Variants in COL9A1 observed in about 807,000 individuals in gnomAD.
The protein encoded by COL9A1 is collagen alpha-1(IX) chain.
A neutral mutation model predicts 142.6 loss-of-function variants in COL9A1; 104 were observed. The observed-to-expected ratio is 0.73, with a 90% CI of 0.62 to 0.86. The LOEUF (loss-of-function observed/expected upper bound fraction) is 0.86, where lower values mean the gene tolerates loss of function less well. COL9A1 is among the 40% of genes least tolerant of loss of function. The pLI is 0.00. For missense variants in COL9A1, 1,210 were observed against 1,176.6 expected (o/e 1.03, Z -0.42); for synonymous variants, 466 against 396.0 (o/e 1.18, Z -2.10).
Position 70,281,450 on chromosome 6 carries a change from A to G in COL9A1, c.816T>C (p.Gly272=). The part of the protein sequence containing the change: ...SQTTDERGPP[G]EQGPPGPPGP... ...CCGGAGGCCCGGGAGGACCCTGCTC[A>G]CCCGGGGGACCTCTCTGGCAAAAAT... is the stretch of plus-strand genomic sequence containing the variant. The change falls in exon 8 of 38, where the codon GGT becomes GGC. Residue 272 remains glycine (G), a synonymous_variant. Transcript: ENST00000357250. 6.2e-7 allele frequency: 1 copy of G among 1,612,186 alleles called. No homozygotes were observed. The highest frequency in any genetic ancestry group is 8.5e-7 in the Non-Finnish European group (1 of 1,179,474).
intron 32 of COL9A1, among the ~76,000 whole-genome samples, chr6:70,240,451 T>C (rs1770173863): frequency 6.6e-6 from 1 of 152,072 alleles, no homozygotes; most frequent in Non-Finnish European, 1.5e-5. Context: ...GATCTATCAA[T>C]ATGGCAATGT....
At chr6:70,280,751 CACTT>C (rs906387209) in intron 10 of COL9A1, 57 bp downstream of exon 10, 17 of 1,536,314 alleles carry the variant, frequency 1.1e-5, no homozygotes, top group African/African-American at 4.1e-5. Flanking sequence ...ACAAAACACA[CACTT>C]ACTCGTACCC....
intron 5 of COL9A1, among the ~76,000 whole-genome samples, chr6:70,290,628 A>G (rs1487836372): frequency 2.5e-5 from 3 of 121,892 alleles, no homozygotes; most frequent in African/African-American, 4.0e-5. Flanking sequence ...CAAGTACCAT[A>G]TAAGTGACTC....
intron 21 of COL9A1, 29 bp downstream of exon 21, chr6:70,256,739 T>G: frequency 1.2e-6 from 2 of 1,608,764 alleles, no homozygotes; most frequent in Non-Finnish European, 1.7e-6. Context: ...AAATCTATCA[T>G]TGGGTTTTGT....
At chr6:70,273,974 A>AAT (rs1772575604) in intron 12 of COL9A1, 73 bp downstream of exon 12, 1 of 773,630 alleles carries the variant, frequency 1.3e-6, no homozygotes, top group Admixed American at 3.5e-5. Context: ...TAAATAAATA[A>AAT]AAAGATTTCA....
At chr6:70,286,385 A>G (rs963204836) in intron 5 of COL9A1, among the ~76,000 whole-genome samples, 1 of 152,226 alleles carries the variant, frequency 6.6e-6, no homozygotes, top group African/African-American at 2.4e-5. Flanking sequence ...CATAAGAACT[A>G]AACAAAAACT....
At chr6:70,280,972 A>C in intron 9 of COL9A1, 32 bp downstream of exon 9, 1 of 1,613,346 alleles carries the variant, frequency 6.2e-7, no homozygotes. Flanking sequence ...TAAAGGAAGG[A>C]AGTGGAGCGC....
intron 18 of COL9A1, among the ~76,000 whole-genome samples, chr6:70,265,467 A>G (rs369026322): frequency 1.2e-4 from 18 of 149,178 alleles, no homozygotes; most frequent in African/African-American, 3.4e-4. Context: ...TTATATGGCT[A>G]TGACATATTT....
At chr6:70,249,779 TA>T (rs548290463) in intron 28 of COL9A1, among the ~76,000 whole-genome samples, 9 of 151,058 alleles carry the variant, frequency 6.0e-5, no homozygotes, top group African/African-American at 2.0e-4. Flanking sequence ...ATCAACCCCC[TA>T]CCCCATCCTC....
Position 70,260,564 on chromosome 6 carries a change from A to G in COL9A1, c.1449+93T>C, listed in dbSNP as rs1357810566. 14 of 1,077,104 alleles carry G rather than the reference A, an allele frequency of 1.3e-5. No individual in the cohort carries two copies. The African/African-American group carries it at 2.1e-4, about 16-fold the overall frequency. 66.7% of individuals were successfully genotyped at this position (1,077,104 alleles called of 1,614,324 possible). ...ACTCCATCTCAAAAAAAAAAAAAAA[A>G]AAGTTGTTGAAGATAAAAAGTTATG... On this transcript the variant is annotated intron_variant, in intron 20 of 37. Transcript: ENST00000357250.
chr6:70,277,911 A>C (rs117740839), intron 10 of COL9A1, among the ~76,000 whole-genome samples: 6,910 of 152,276 alleles, frequency 0.045, 244 homozygotes, highest in Non-Finnish European at 0.07. Flanking sequence ...GGACTGTTGA[A>C]GCTCTCCTAC....
chr6:70,234,645 C>T (rs1462422330), intron 34 of COL9A1, 52 bp from the exon 35 acceptor site: 1 of 1,610,966 alleles, frequency 6.2e-7, no homozygotes, highest in Admixed American at 1.7e-5. Flanking sequence ...ATAAAGAGAA[C>T]ATTGTTAAGT....
At chr6:70,257,213 G>A (rs908744292) in intron 20 of COL9A1, among the ~76,000 whole-genome samples, 16 of 151,974 alleles carry the variant, frequency 1.1e-4, no homozygotes, top group African/African-American at 2.2e-4. Flanking sequence ...GGCGCACGCC[G>A]TCATGCCCAG....
chr6:70,240,060 G>A (rs1770147349), intron 32 of COL9A1, among the ~76,000 whole-genome samples: 1 of 151,962 alleles, frequency 6.6e-6, no homozygotes, highest in African/African-American at 2.4e-5. Flanking sequence ...TACCCCAAAG[G>A]ACCAAAACAT....
At chr6:70,217,606 T>C (rs1035145630) in intron 37 of COL9A1, among the ~76,000 whole-genome samples, 2 of 152,236 alleles carry the variant, frequency 1.3e-5, no homozygotes, top group Admixed American at 6.5e-5. Context: ...TTTAAAATCA[T>C]ACATGCAACT....
chr6:70,299,176 T>C (rs983347030), intron 4 of COL9A1, among the ~76,000 whole-genome samples: 3 of 152,168 alleles, frequency 2.0e-5, no homozygotes, highest in African/African-American at 7.2e-5. Context: ...TGTAATCTGG[T>C]ACTATTATAT....
chr6:70,273,354 A>C (rs115619773), intron 12 of COL9A1, among the ~76,000 whole-genome samples: 1 of 152,194 alleles, frequency 6.6e-6, no homozygotes, highest in African/African-American at 2.4e-5. Flanking sequence ...AGTTGAGTTG[A>C]AAAATATGGG....
At chr6:70,261,369 ACT>A (rs1271731470) in intron 19 of COL9A1, among the ~76,000 whole-genome samples, 1 of 136,090 alleles carries the variant, frequency 7.3e-6, no homozygotes, top group Non-Finnish European at 1.6e-5. Context: ...ACCATTCTGG[ACT>A]CTCTGGCCCC....
Position 70,302,279 on chromosome 6 carries a change from G to A in COL9A1, c.15-205C>T, listed in dbSNP as rs543097429. The stretch of plus-strand genomic sequence containing the variant: ...GGCTGGAGTGCAATGGCGCGATCTC[G>A]GCTCTTTGCAACCTCCACCTCCTGG... On this transcript the variant is annotated intron_variant, in intron 1 of 37. Transcript: ENST00000357250. 4.2e-5 allele frequency among the ~76,000 whole-genome samples: 6 copies of A among 141,262 alleles called. No individual in the cohort carries two copies. In the East Asian group the frequency reaches 1.2e-3, roughly 29 times the overall value. 92.7% of individuals were successfully genotyped at this position (141,262 alleles called of 152,430 possible). A position where few individuals can be genotyped will look rare whatever the true frequency, so the allele number is the denominator to read the frequency against.
Sources: gnomAD v4.1 joint callset for allele counts (sites outside exome capture counted in the v4.1 genomes callset) on GRCh38, gnomAD v4.1.1 for gene constraint, MANE v1.5 for transcripts, NCBI Gene and HGNC (gene_info 2026-07-23, HGNC 2026-07-21) for gene names.